GLIS2: variants seen among roughly 807,000 people sequenced by gnomAD.
GLIS2 encodes the protein zinc finger protein GLIS2.
GLIS2 carries 14 observed loss-of-function variants against 35.6 expected under a neutral mutation model. The ratio of observed to expected loss-of-function variants is 0.39; its 90% confidence interval spans 0.26 to 0.61. The LOEUF (loss-of-function observed/expected upper bound fraction) is 0.61, where lower values mean the gene tolerates loss of function less well. GLIS2 is among the 20% of genes least tolerant of loss of function. The pLI, the probability that GLIS2 is intolerant of heterozygous loss-of-function variation, is 0.48. For missense variants in GLIS2, 675 were observed against 713.4 expected, an observed-to-expected ratio of 0.95 and a Z score of 0.61; for synonymous variants, 368 against 325.1, an observed-to-expected ratio of 1.13 and a Z score of -1.42.
At chr16:4,326,127 C>G (rs1419217168) in intron 1 of GLIS2, among the ~76,000 whole-genome samples, 1 of 151,816 alleles carries the variant, frequency 6.6e-6, no homozygotes. Context: ...CGCCTGTAGT[C>G]CCAGCAACTC....
In GLIS2 at chr16:4,337,119, G is replaced by C; in HGVS notation, c.1170G>C (p.Gly390=). ...GTGCCCTGGCCTGTGGCAACGGTGG[G>C]GGCAGTGGGGGTGGGGGGGGCATGG... ...DLSALACGNG[G]GSGGGGGMGP... Residue 390 remains glycine (G), a synonymous_variant, in exon 7 of 7, where the codon GGG becomes GGC. Transcript: ENST00000433375. The C allele has an allele frequency of 6.5e-7, 1 of 1,536,218 alleles. No individual in the cohort carries two copies. Among genetic ancestry groups the C allele is most frequent in the East Asian group, 2.4e-5 (1 of 40,902 alleles).
At chr16:4,322,979 G>C (rs2053394071) in intron 1 of GLIS2, among the ~76,000 whole-genome samples, 1 of 152,226 alleles carries the variant, frequency 6.6e-6, no homozygotes, top group African/African-American at 2.4e-5. Context: ...TCCCCCAGAA[G>C]CCAAGGCTCC....
rs1317886989 is a variant in GLIS2 at position 4,337,371 on chromosome 16, G to A, written c.1422G>A (p.Arg474=). ...AAAGGACGGAGAGCAGCTGCTCCCG[G>A]CCAAGCCCCGATGGACTCCCCCTGC... ...PLERTESSCS[R]PSPDGLPLLP... The change falls in exon 7 of 7, where the codon CGG becomes CGA. Residue 474 remains arginine (R), a synonymous_variant. Transcript: ENST00000433375. The A allele has an allele frequency of 1.3e-6, 2 of 1,591,964 alleles. No individual in the cohort carries two copies. The highest frequency in any genetic ancestry group is 1.7e-5 in the Admixed American group (1 of 58,208).
chr16:4,332,369 T>G lies in GLIS2; in HGVS notation c.89T>G (p.Val30Gly). 6 of 1,613,064 alleles carry G rather than the reference T, an allele frequency of 3.7e-6. No homozygotes were observed. Among genetic ancestry groups the G allele is most frequent in the Non-Finnish European group, 5.1e-6 (6 of 1,180,016 alleles). ...GAGAAGCGGGAGAGGACGCTGGGTG[T>G]GGTCCGGCCCCGTGCTCTGCACAGG... ...AREKRERTLG[V>G]VRPRALHREL... The change falls in exon 2 of 7, where the codon GTG (valine) becomes GGG (glycine). Residue 30 changes from valine (V) to glycine (G), a missense_variant. Around this residue, in one of 3 missense-constraint regions of GLIS2, gnomAD observed 225 missense variants for 238.7 expected, o/e 0.94. Coordinates refer to ENST00000433375, the MANE Select transcript of GLIS2 (RefSeq NM_032575.3). This position sits in a 1 kb window ranked among gnomAD's most constrained non-coding sequence, Gnocchi z 5.4.
At chr16:4,317,839 C>T (rs2053331260) in intron 1 of GLIS2, among the ~76,000 whole-genome samples, 2 of 152,180 alleles carry the variant, frequency 1.3e-5, no homozygotes, top group African/African-American at 2.4e-5. Context: ...TTGGAAGCAA[C>T]CCTGTTTTTC....
At chr16:4,330,097 T>G (rs896837183) in intron 1 of GLIS2, among the ~76,000 whole-genome samples, 2 of 152,064 alleles carry the variant, frequency 1.3e-5, no homozygotes, top group African/African-American at 4.8e-5. Context: ...GCCAACATGG[T>G]GAAACGCTGT....
At position 4,332,565 on chromosome 16, in the gene GLIS2, T is replaced by C; in HGVS notation, c.172+113T>C. 7.9e-7 allele frequency: 1 copy of C among 1,258,736 alleles called. No homozygotes were observed. Among genetic ancestry groups the C allele is most frequent in the Non-Finnish European group, 1.1e-6 (1 of 898,168 alleles). The allele number at this position is 1,258,736 out of a possible 1,614,324, so 78.0% of individuals were successfully genotyped here. A position where few individuals can be genotyped will look rare whatever the true frequency, so the allele number is the denominator to read the frequency against. Reference sequence around the variant, plus strand: ...GCTGCAGCCCCTCTCGGCTTCCGGTTCATGGGAAGCCCGCACGCTTGTCCT... The same window carrying C: ...GCTGCAGCCCCTCTCGGCTTCCGGTCCATGGGAAGCCCGCACGCTTGTCCT... On this transcript the variant is annotated intron_variant, in intron 2 of 6. Transcript: ENST00000433375. This position sits in a 1 kb window ranked among gnomAD's most constrained non-coding sequence, Gnocchi z 5.4.
chr16:4,336,508 C>A (rs960537806), intron 6 of GLIS2: 2 of 652,264 alleles, frequency 3.1e-6, no homozygotes, highest in Non-Finnish European at 2.8e-6. Flanking sequence ...CAGGGCGAGG[C>A]TAGGCAGAGC....
upstream of GLIS2, chr16:4,315,335 C>T (rs1014812581): frequency 3.3e-5 from 5 of 152,264 alleles, no homozygotes; most frequent in Non-Finnish European, 7.3e-5. Flanking sequence ...TCCGGGACCT[C>T]TGCCCGCCGG....
At chr16:4,319,972 G>T (rs1049515421) in intron 1 of GLIS2, among the ~76,000 whole-genome samples, 2 of 151,832 alleles carry the variant, frequency 1.3e-5, no homozygotes, top group Non-Finnish European at 2.9e-5. Context: ...CAGCTGAGGG[G>T]TGGGGGCTTC....
chr16:4,337,617 C>T lies in GLIS2; in HGVS notation c.*93C>T. 1 of 1,511,366 alleles carries T rather than the reference C, an allele frequency of 6.6e-7. No homozygotes were observed. The allele number at this position is 1,511,366 out of a possible 1,614,324, so 93.6% of individuals were successfully genotyped here. On this transcript the variant is annotated 3_prime_UTR_variant, in exon 7 of 7. Coordinates refer to ENST00000433375, the MANE Select transcript of GLIS2 (RefSeq NM_032575.3). ...TCTTCTGTGAAATAGCAATAATGTC[C>T]TACTGCCCGGGCAGCCCCAGCCCAG...
At position 4,337,055 on chromosome 16, in the gene GLIS2, G is replaced by A. The variant is rs1164806695; in HGVS notation, c.1106G>A (p.Gly369Asp). ...AALFGGPGLP[G>D]LPLPLAPGPL... ...CTCTTTGGAGGCCCTGGCCTGCCCG[G>A]CTTACCCCTACCCCTGGCCCCCGGC... Residue 369 changes from glycine (G) to aspartate (D), a missense_variant, in exon 7 of 7, where the codon GGC becomes GAC. Physicochemically the swap from Gly to Asp is moderately conservative, Grantham distance 94 (BLOSUM62 -1). Coordinates refer to ENST00000433375, the MANE Select transcript of GLIS2 (RefSeq NM_032575.3). 5.1e-6 allele frequency: 8 copies of A among 1,567,572 alleles called. No homozygotes were observed. In the Admixed American group the frequency reaches 1.4e-4, roughly 28 times the overall value.
rs114992847 is a variant in GLIS2 at position 4,324,344 on chromosome 16, C to A, written c.-66-7871C>A. ...CCTCCAGTCCTGGGAGGAGGCCTGT[C>A]TGCGGCCAGCTCCTTCCAGGGTTGA... On this transcript the variant is annotated intron_variant, in intron 1 of 6. Transcript: ENST00000433375. 1.9e-3 allele frequency among the ~76,000 whole-genome samples: 295 copies of A among 152,346 alleles called. 3 individuals are homozygous for A. Among genetic ancestry groups the A allele is most frequent in the African/African-American group, 6.9e-3 (285 of 41,586 alleles).
intron 1 of GLIS2, among the ~76,000 whole-genome samples, chr16:4,330,446 G>C (rs1474989546): frequency 1.3e-5 from 2 of 152,206 alleles, no homozygotes; most frequent in African/African-American, 4.8e-5. Context: ...GCCCCAGCTG[G>C]CCAGGCCAGG....
At chr16:4,317,595 C>T (rs1351187666) in intron 1 of GLIS2, among the ~76,000 whole-genome samples, 3 of 152,174 alleles carry the variant, frequency 2.0e-5, no homozygotes, top group Non-Finnish European at 4.4e-5. Context: ...GACCTCGGAC[C>T]TCCCCCTCTG....
intron 1 of GLIS2, among the ~76,000 whole-genome samples, chr16:4,323,235 C>T (rs1444518996): frequency 6.6e-6 from 1 of 152,168 alleles, no homozygotes; most frequent in Admixed American, 6.5e-5. Flanking sequence ...TGTCTCGCTC[C>T]CTGGTGCCAG....
At chr16:4,321,042 C>A (rs933336424) in intron 1 of GLIS2, among the ~76,000 whole-genome samples, 5 of 152,222 alleles carry the variant, frequency 3.3e-5, no homozygotes, top group African/African-American at 1.2e-4. Context: ...TTGCTTTCTT[C>A]CAGAGTAGGC....
In GLIS2 at chr16:4,339,249, C is replaced by T. The variant is rs1395998295; in HGVS notation, c.*1725C>T. On this transcript the variant is annotated 3_prime_UTR_variant, in exon 7 of 7. Coordinates refer to ENST00000433375, the MANE Select transcript of GLIS2 (RefSeq NM_032575.3). ...GAGCACCCCCCACCCCTGTGAGGGC[C>T]CCAGGCCTTAAGTCCCTGGCGGGGT... 1.3e-5 allele frequency: 2 copies of T among 152,716 alleles called. No individual in the cohort carries two copies. The highest frequency in any genetic ancestry group is 2.9e-5 in the Non-Finnish European group (2 of 68,242). 9.5% of individuals were successfully genotyped at this position (152,716 alleles called of 1,614,324 possible).
At chr16:4,326,290 T>C (rs2053429572) in intron 1 of GLIS2, 1 of 152,224 alleles carries the variant, frequency 6.6e-6, no homozygotes, top group Non-Finnish European at 1.5e-5. Flanking sequence ...CATAGACTTC[T>C]GAGAGATGCA....
Sources: gnomAD v4.1 joint callset for allele counts (sites outside exome capture counted in the v4.1 genomes callset) on GRCh38, gnomAD v4.1.1 for gene constraint, gnomAD v4.1.1 regional missense constraint, Gnocchi (gnomAD v3.1) non-coding constraint, MANE v1.5 for transcripts, NCBI Gene and HGNC (gene_info 2026-07-23, HGNC 2026-07-21) for gene names.